DNAJC5B: variants seen among roughly 807,000 people sequenced by gnomAD.
DNAJC5B encodes the protein dnaJ homolog subfamily C member 5B.
Under a neutral mutation model 24.7 loss-of-function variants are expected in DNAJC5B, and 23 were observed. The observed-to-expected ratio is 0.93, with a 90% CI of 0.67 to 1.32. DNAJC5B has a LOEUF of 1.32. Ranked by LOEUF, DNAJC5B falls within the 40% of genes most tolerant of loss-of-function variation. DNAJC5B has a pLI of 0.00. For missense variants in DNAJC5B, 238 were observed against 240.8 expected (o/e 0.99, Z 0.08); for synonymous variants, 101 against 90.1 (o/e 1.12, Z -0.68).
chr8:66,098,338 G>A (rs1359896977), intron 5 of DNAJC5B, among the ~76,000 whole-genome samples: 1 of 152,060 alleles, frequency 6.6e-6, no homozygotes, highest in Non-Finnish European at 1.5e-5. Flanking sequence ...TGAATACTGG[G>A]ACCACAGGTG....
chr8:66,067,416 T>A (rs1166910360), intron 3 of DNAJC5B, among the ~76,000 whole-genome samples: 4 of 151,940 alleles, frequency 2.6e-5, no homozygotes, highest in African/African-American at 7.3e-5. Flanking sequence ...GGAGAAAGGG[T>A]AAATTAGAAG....
intron 4 of DNAJC5B, among the ~76,000 whole-genome samples, chr8:66,079,452 G>T (rs1807542926): frequency 1.3e-5 from 2 of 152,188 alleles, no homozygotes; most frequent in Non-Finnish European, 2.9e-5. Flanking sequence ...TTTTGGGCAG[G>T]ATCAGGAAAG....
chr8:66,080,383 T>C lies in DNAJC5B; in HGVS notation c.340T>C (p.Phe114Leu). Reference protein sequence around the residue: ...MLSSWWAKALFVIVGLLTGCY... With the variant: ...MLSSWWAKALLVIVGLLTGCY... ...TTTACCTCTGTTTCCCTAGGCCCTG[T>C]TTGTCATCGTTGGCCTCTTGACGGG... Residue 114 changes from phenylalanine to leucine, a missense_variant, in exon 5 of 6, where the codon TTT becomes CTT. Transcript: ENST00000276570. 6.2e-7 allele frequency: 1 copy of C among 1,612,324 alleles called. No homozygotes were observed. Among genetic ancestry groups the C allele is most frequent in the Admixed American group, 1.7e-5 (1 of 59,984 alleles).
chr8:66,085,845 A>T (rs1445615240), intron 5 of DNAJC5B, among the ~76,000 whole-genome samples: 1 of 152,118 alleles, frequency 6.6e-6, no homozygotes, highest in African/African-American at 2.4e-5. Context: ...TCCTGCTGGG[A>T]TTTTTATTGG....
intron 1 of DNAJC5B, among the ~76,000 whole-genome samples, chr8:66,029,474 G>T (rs937615418): frequency 6.6e-6 from 1 of 152,180 alleles, no homozygotes; most frequent in East Asian, 1.9e-4. Flanking sequence ...AGATCAATGG[G>T]CAAGTTTGAA....
chr8:66,032,541 T>C (rs1487227953), intron 1 of DNAJC5B, among the ~76,000 whole-genome samples: 1 of 152,206 alleles, frequency 6.6e-6, no homozygotes, highest in South Asian at 2.1e-4. Context: ...GAGGCAGCCA[T>C]GGGCAAGGAC....
At chr8:66,098,356 C>A (rs1807999851) in intron 5 of DNAJC5B, among the ~76,000 whole-genome samples, 1 of 152,054 alleles carries the variant, frequency 6.6e-6, no homozygotes, top group African/African-American at 2.4e-5. Context: ...GTGTGTGCCA[C>A]CACGCCCAGC....
chr8:66,016,965 C>G (rs1171682513), upstream of DNAJC5B, among the ~76,000 whole-genome samples: 1 of 151,986 alleles, frequency 6.6e-6, no homozygotes, highest in Non-Finnish European at 1.5e-5. Flanking sequence ...TGGAATCACA[C>G]AAATGTATCA....
At chr8:66,028,672 G>A (rs1487942727) in intron 1 of DNAJC5B, among the ~76,000 whole-genome samples, 4 of 152,050 alleles carry the variant, frequency 2.6e-5, no homozygotes, top group Non-Finnish European at 5.9e-5. Flanking sequence ...ATTGAGCCTA[G>A]GGGGTTGGAT....
chr8:66,038,967 G>C (rs549627574), intron 1 of DNAJC5B, among the ~76,000 whole-genome samples: 64 of 152,330 alleles, frequency 4.2e-4, no homozygotes, highest in African/African-American at 1.5e-3. Flanking sequence ...TTAACCAAAA[G>C]TTTACTTAAC....
intron 2 of DNAJC5B, among the ~76,000 whole-genome samples, chr8:66,048,250 C>A (rs1014601292): frequency 6.6e-6 from 1 of 152,160 alleles, no homozygotes; most frequent in Non-Finnish European, 1.5e-5. Context: ...GAGGGTATTG[C>A]AAATGTTTTC....
At chr8:66,073,869 A>C (rs1807405697) in intron 3 of DNAJC5B, among the ~76,000 whole-genome samples, 1 of 152,214 alleles carries the variant, frequency 6.6e-6, no homozygotes, top group South Asian at 2.1e-4. Flanking sequence ...AAAAGCTATA[A>C]AGATTTTAGA....
At chr8:66,099,564 G>A (rs1207752006) in intron 5 of DNAJC5B, among the ~76,000 whole-genome samples, 1 of 152,094 alleles carries the variant, frequency 6.6e-6, no homozygotes, top group Non-Finnish European at 1.5e-5. Flanking sequence ...GTAGATATAC[G>A]TTGTAGTCTA....
intron 5 of DNAJC5B, among the ~76,000 whole-genome samples, chr8:66,085,641 C>T (rs1486908177): frequency 6.6e-6 from 1 of 152,036 alleles, no homozygotes; most frequent in Admixed American, 6.6e-5. Context: ...TCTAGTCTGT[C>T]CCATTGATCT....
chr8:66,031,482 T>C (rs2128956355), intron 1 of DNAJC5B, among the ~76,000 whole-genome samples: 1 of 152,332 alleles, frequency 6.6e-6, no homozygotes, highest in Admixed American at 6.5e-5. Context: ...ACTGTATTAG[T>C]CAGGGTTCTT....
At chr8:66,054,780 C>T (rs1806927385) in intron 3 of DNAJC5B, among the ~76,000 whole-genome samples, 1 of 152,148 alleles carries the variant, frequency 6.6e-6, no homozygotes. Context: ...TAGACCTATC[C>T]AGAGGCGCGT....
chr8:66,079,812 C>T (rs115076763), intron 4 of DNAJC5B, among the ~76,000 whole-genome samples: 2 of 152,158 alleles, frequency 1.3e-5, no homozygotes, highest in Admixed American at 6.5e-5. Context: ...AGTGTCCAGA[C>T]TAGACATAGT....
chr8:66,040,625 G>T (rs78187545), intron 1 of DNAJC5B, among the ~76,000 whole-genome samples: 8,395 of 152,146 alleles, frequency 0.055, 340 homozygotes, highest in Middle Eastern at 0.11. Flanking sequence ...TCTGACATGG[G>T]GTAAACAGCG....
intron 2 of DNAJC5B, among the ~76,000 whole-genome samples, chr8:66,050,323 A>G (rs2128959668): frequency 1.3e-5 from 2 of 152,300 alleles, no homozygotes; most frequent in Middle Eastern, 3.4e-3. Flanking sequence ...ACATTTGTAC[A>G]TGGAGAGGAA....
Sources: allele counts gnomAD v4.1 joint callset (sites outside exome capture counted in the v4.1 genomes callset), GRCh38; gene constraint gnomAD v4.1.1; transcripts MANE v1.5; gene names NCBI Gene and HGNC (gene_info 2026-07-23, HGNC 2026-07-21).